CADPS: variants seen among roughly 807,000 people sequenced by gnomAD.
CADPS encodes the protein calcium-dependent secretion activator 1.
CADPS carries 57 observed loss-of-function variants against 167.3 expected under a neutral mutation model. The observed-to-expected ratio is 0.34, with a 90% CI of 0.28 to 0.42. The LOEUF (loss-of-function observed/expected upper bound fraction) is 0.42. Ranked by LOEUF, CADPS falls within the 20% of genes least tolerant of loss-of-function variation. The probability of loss-of-function intolerance (pLI) is 1.00; values close to 1 mark genes in which losing one functional copy is unlikely to be tolerated. For synonymous variants in CADPS, 676 were observed against 635.3 expected (o/e 1.06, Z -0.96); for missense variants, 1,414 against 1,738.1 (o/e 0.81, Z 3.32).
At chr3:62,489,670 C>T (rs2063393222) in intron 21 of CADPS, among the ~76,000 whole-genome samples, 1 of 152,096 alleles carries the variant, frequency 6.6e-6, no homozygotes, top group Non-Finnish European at 1.5e-5. Context: ...GTGAAGGATA[C>T]CAATTATTCT....
At chr3:62,854,329 G>T (rs1268043569) in intron 1 of CADPS, among the ~76,000 whole-genome samples, 1 of 152,194 alleles carries the variant, frequency 6.6e-6, no homozygotes, top group African/African-American at 2.4e-5. Context: ...GTCATGGCAA[G>T]CAATCAATGT....
intron 6 of CADPS, among the ~76,000 whole-genome samples, chr3:62,593,418 T>C (rs1347829294): frequency 1.3e-5 from 2 of 152,246 alleles, no homozygotes; most frequent in Non-Finnish European, 2.9e-5. Context: ...GCGGCTCACA[T>C]GAGCCCTTGA....
intron 1 of CADPS, among the ~76,000 whole-genome samples, chr3:62,845,261 G>A (rs1322664812): frequency 2.0e-5 from 3 of 152,128 alleles, no homozygotes; most frequent in African/African-American, 4.8e-5. Flanking sequence ...TTGGAAGACC[G>A]AGCTGCATAT....
rs367786276 is a variant in CADPS at position 62,711,173 on chromosome 3, GATATAC to G, written c.888+42262_888+42267del. 8.7e-4 allele frequency among the ~76,000 whole-genome samples: 132 copies of G among 152,202 alleles called. 1 individual carries two copies. Among genetic ancestry groups the G allele is most frequent in the African/African-American group, 3.1e-3 (129 of 41,524 alleles). Reference sequence around the variant, plus strand: ...TATTATAAAGGCATCCAATTCTATTGATATACATATATCAGAATAATTTTAAACATC... The same window carrying G: ...TATTATAAAGGCATCCAATTCTATTGATATATCAGAATAATTTTAAACATC... On this transcript the variant is annotated intron_variant, in intron 3 of 29. Transcript: ENST00000383710.
intron 6 of CADPS, among the ~76,000 whole-genome samples, chr3:62,607,630 G>A (rs2060869410): frequency 6.6e-6 from 1 of 152,154 alleles, no homozygotes; most frequent in Non-Finnish European, 1.5e-5. Context: ...TGCCCTCCAA[G>A]CAGCCAGCCC....
At chr3:62,645,145 G>T (rs527841513) in intron 6 of CADPS, among the ~76,000 whole-genome samples, 34 of 152,236 alleles carry the variant, frequency 2.2e-4, no homozygotes, top group Admixed American at 1.4e-3. Context: ...TGGGACCAAA[G>T]CTATAAGGAT....
At chr3:62,617,546 C>G (rs1017258863) in intron 6 of CADPS, among the ~76,000 whole-genome samples, 1 of 152,088 alleles carries the variant, frequency 6.6e-6, no homozygotes, top group African/African-American at 2.4e-5. Flanking sequence ...CAAGGGGGCT[C>G]ATAGGCTGGT....
At chr3:62,476,641 A>G (rs2061362691) in intron 23 of CADPS, among the ~76,000 whole-genome samples, 2 of 152,254 alleles carry the variant, frequency 1.3e-5, no homozygotes, top group Admixed American at 6.5e-5. Flanking sequence ...GGTAAGGGAT[A>G]AGAGTCCCTA....
chr3:62,775,708 A>T (rs2090107272), intron 1 of CADPS, among the ~76,000 whole-genome samples: 1 of 152,188 alleles, frequency 6.6e-6, no homozygotes, highest in Non-Finnish European at 1.5e-5. Flanking sequence ...AAGCCTTGTT[A>T]AGTTGGCAAC....
intron 12 of CADPS, among the ~76,000 whole-genome samples, chr3:62,535,839 A>G (rs2074581066): frequency 6.6e-6 from 1 of 152,116 alleles, no homozygotes; most frequent in Non-Finnish European, 1.5e-5. Flanking sequence ...GATTTCAGGA[A>G]ATATTGATAC....
chr3:62,493,755 T>C (rs1049101636), intron 18 of CADPS, 90 bp from the exon 19 acceptor site: 2 of 1,064,154 alleles, frequency 1.9e-6, no homozygotes, highest in African/African-American at 3.2e-5. Flanking sequence ...GTTTCCATTT[T>C]AATTTACAGT....
chr3:62,696,471 T>C (rs955452570), intron 3 of CADPS, among the ~76,000 whole-genome samples: 32 of 151,944 alleles, frequency 2.1e-4, no homozygotes, highest in African/African-American at 7.7e-4. Context: ...GCCCTGCCTC[T>C]GAGCTCAGAG....
intron 26 of CADPS, among the ~76,000 whole-genome samples, chr3:62,457,525 G>A (rs2058835071): frequency 6.6e-6 from 1 of 152,128 alleles, no homozygotes; most frequent in Non-Finnish European, 1.5e-5. Flanking sequence ...TAAACATAAT[G>A]GAATATGACT....
At chr3:62,815,702 T>C (rs1185486230) in intron 1 of CADPS, among the ~76,000 whole-genome samples, 1 of 152,114 alleles carries the variant, frequency 6.6e-6, no homozygotes, top group Admixed American at 6.6e-5. Context: ...AGTTTCTAAC[T>C]AAATCAAGGC....
At chr3:62,606,627 C>T (rs900992310) in intron 6 of CADPS, among the ~76,000 whole-genome samples, 1 of 152,108 alleles carries the variant, frequency 6.6e-6, no homozygotes, top group Non-Finnish European at 1.5e-5. Context: ...GAAAATAGAC[C>T]AAGACAGTCT....
chr3:62,496,395 G>C (rs1300456842), intron 18 of CADPS, among the ~76,000 whole-genome samples: 2 of 152,198 alleles, frequency 1.3e-5, no homozygotes, highest in Non-Finnish European at 2.9e-5. Context: ...GTTGAGAACA[G>C]GTGGTAGTGC....
At chr3:62,740,228 T>C (rs756583966) in intron 3 of CADPS, among the ~76,000 whole-genome samples, 6 of 152,222 alleles carry the variant, frequency 3.9e-5, no homozygotes, top group African/African-American at 9.6e-5. Flanking sequence ...AACAACTGCA[T>C]AGGGCATGGT....
At chr3:62,424,198 T>G (rs1449366053) in intron 28 of CADPS, among the ~76,000 whole-genome samples, 3 of 152,062 alleles carry the variant, frequency 2.0e-5, no homozygotes, top group African/African-American at 7.2e-5. Flanking sequence ...CACTTTTTTT[T>G]TTTGAGACGG....
At chr3:62,436,868 A>G (rs1560361464) in intron 28 of CADPS, among the ~76,000 whole-genome samples, 1 of 149,186 alleles carries the variant, frequency 6.7e-6, no homozygotes, top group Non-Finnish European at 1.5e-5. Flanking sequence ...AAAAGAAAAG[A>G]AAAAAAAAGA....
Sources: allele counts gnomAD v4.1 joint callset (sites outside exome capture counted in the v4.1 genomes callset), GRCh38; gene constraint gnomAD v4.1.1; transcripts MANE v1.5; gene names NCBI Gene and HGNC (gene_info 2026-07-23, HGNC 2026-07-21).